TRIM62: variants seen among roughly 807,000 people sequenced by gnomAD.
The protein encoded by TRIM62 is tripartite motif containing 62, also known as E3 ubiquitin-protein ligase TRIM62.
In TRIM62, 39 loss-of-function variants were observed where a neutral mutation model predicts 44.2. That is an observed-to-expected ratio of 0.88 (90% CI 0.68 to 1.15). The LOEUF (loss-of-function observed/expected upper bound fraction) is 1.15. TRIM62 is among the 50% of genes most tolerant of loss of function. TRIM62 has a pLI of 0.00. For synonymous variants in TRIM62, 278 were observed against 292.3 expected, an observed-to-expected ratio of 0.95 and a Z score of 0.50; for missense variants, 544 against 665.5, an observed-to-expected ratio of 0.82 and a Z score of 2.01.
chr1:33,181,086 T>A lies in TRIM62; in HGVS notation c.347A>T (p.Glu116Val). 6.3e-7 allele frequency: 1 copy of A among 1,599,764 alleles called. No individual in the cohort carries two copies. ...DRALLCFFCD[E>V]PALHEQHQVT... ...CTGATGCTGCTCGTGCAGTGCAGGC[T>A]CGTCGCAGAAGAAGCAGAGAAGCGC... The change falls in exon 1 of 5, where the codon GAG (glutamate) becomes GTG (valine). Residue 116 changes from glutamate (E) to valine (V), a missense_variant. Glu to Val is a moderately radical substitution (Grantham distance 121). Transcript: ENST00000291416. The surrounding 1 kb of genome is among the most constrained non-coding windows in gnomAD (Gnocchi z 6.5).
At position 33,165,599 on chromosome 1, in the gene TRIM62, G is replaced by A. The variant is rs367939111; in HGVS notation, c.409-33C>T. The stretch of plus-strand genomic sequence containing the variant: ...ACACACAGGGCCGGGATGGGGGCAG[G>A]GGCCATGCCTGGCCCAGGCATTCAG... On this transcript the variant is annotated intron_variant, in intron 1 of 4. Coordinates refer to ENST00000291416, the MANE Select transcript of TRIM62 (RefSeq NM_018207.3). The surrounding 1 kb of genome is among the most constrained non-coding windows in gnomAD (Gnocchi z 4.0). 6 of 1,565,556 alleles carry A rather than the reference G, an allele frequency of 3.8e-6. No homozygotes were observed. Among genetic ancestry groups the A allele is most frequent in the South Asian group, 2.3e-5 (2 of 85,460 alleles).
At chr1:33,173,418 C>T (rs894209139) in intron 1 of TRIM62, among the ~76,000 whole-genome samples, 9 of 152,050 alleles carry the variant, frequency 5.9e-5, no homozygotes, top group East Asian at 1.9e-4. Flanking sequence ...AGCTTGTGTG[C>T]GCATGCATGT....
rs80217865 is a variant in TRIM62, at chr1:33,151,978, T to C, written c.878-4251A>G. 3.4e-3 allele frequency among the ~76,000 whole-genome samples: 511 copies of C among 152,350 alleles called. 13 individuals carry two copies. In the East Asian group the frequency reaches 0.056, roughly 17 times the overall value. On this transcript the variant is annotated intron_variant, in intron 4 of 4. Transcript: ENST00000291416. ...AACATGAAAGGCTGGCTGTAAGCGT[T>C]TTCCTCTGGCCAGGCCTTTAAAAAA...
intron 1 of TRIM62, among the ~76,000 whole-genome samples, chr1:33,179,601 G>T (rs1473045608): frequency 6.6e-6 from 1 of 152,170 alleles, no homozygotes; most frequent in Non-Finnish European, 1.5e-5. Flanking sequence ...CTTAGGCCAG[G>T]GTTGGTCATT....
Position 33,165,243 on chromosome 1 carries a change from A to C in TRIM62, c.504+228T>G, listed in dbSNP as rs573409558. 1 of 445,468 alleles carries C rather than the reference A, an allele frequency of 2.2e-6. No homozygotes were observed. Among genetic ancestry groups the C allele is most frequent in the Admixed American group, 4.1e-5 (1 of 24,368 alleles). 27.6% of individuals were successfully genotyped at this position (445,468 alleles called of 1,614,324 possible). A position where few individuals can be genotyped will look rare whatever the true frequency, so the allele number is the denominator to read the frequency against. On this transcript the variant is annotated intron_variant, in intron 2 of 4. Coordinates refer to ENST00000291416, the MANE Select transcript of TRIM62 (RefSeq NM_018207.3). This position sits in a 1 kb window ranked among gnomAD's most constrained non-coding sequence, Gnocchi z 4.0. Reference sequence around the variant, plus strand: ...TGGCCCCGTCCTTAACCGAGGGACCAGCCCACATCCTTGCCGCCAGTCATG... The same window carrying C: ...TGGCCCCGTCCTTAACCGAGGGACCCGCCCACATCCTTGCCGCCAGTCATG...
At chr1:33,160,080 C>T (rs1645243879) in intron 2 of TRIM62, 136 bp from the exon 3 acceptor site, 1 of 1,085,890 alleles carries the variant, frequency 9.2e-7, no homozygotes. Context: ...GGAAATGTCA[C>T]ATGCAAAAGC....
chr1:33,177,047 ACACG>A lies in TRIM62; in HGVS notation c.408+3974_408+3977del, dbSNP rs1557763403. ...CCAACACACATACACATGCACACACACACGCACACACACACACATGCACACACAC... is the reference window on the plus strand; with the variant it reads ...CCAACACACATACACATGCACACACACACACACACACACATGCACACACAC... On this transcript the variant is annotated intron_variant, in intron 1 of 4. Transcript: ENST00000291416. The surrounding 1 kb of genome is among the most constrained non-coding windows in gnomAD (Gnocchi z 4.1). 1.7e-4 allele frequency among the ~76,000 whole-genome samples: 10 copies of A among 58,382 alleles called. No individual in the cohort carries two copies. The highest frequency in any genetic ancestry group is 4.6e-4 in the East Asian group (1 of 2,178). The allele number at this position is 58,382 out of a possible 152,430, so 38.3% of individuals were successfully genotyped here.
chr1:33,147,750 A>G lies in TRIM62; in HGVS notation c.878-23T>C. The stretch of plus-strand genomic sequence containing the variant: ...GCACTGTGGGGGTTGGAGGAGGGAG[A>G]GAAGATGAGTGGGGAGAAGGCTGTG... On this transcript the variant is annotated intron_variant, in intron 4 of 4. Coordinates refer to ENST00000291416, the MANE Select transcript of TRIM62 (RefSeq NM_018207.3). This position sits in a 1 kb window ranked among gnomAD's most constrained non-coding sequence, Gnocchi z 8.1. 6.3e-7 allele frequency: 1 copy of G among 1,598,800 alleles called. No individual in the cohort carries two copies. Among genetic ancestry groups the G allele is most frequent in the East Asian group, 2.2e-5 (1 of 44,654 alleles).
In TRIM62 at chr1:33,147,450, G is replaced by A; in HGVS notation, c.1155C>T (p.Gly385=). ...KGSIQIQPSR[G]FYCIVMHDGN... is the part of the protein sequence containing the mutation. ...CATCGTGCATCACGATGCAGTAGAAGCCGCGGCTGGGCTGGATCTGGATGC... is the reference window on the plus strand; with the variant it reads ...CATCGTGCATCACGATGCAGTAGAAACCGCGGCTGGGCTGGATCTGGATGC... Residue 385 remains glycine, a synonymous_variant, in exon 5 of 5, where the codon GGC becomes GGT. Coordinates refer to ENST00000291416, the MANE Select transcript of TRIM62 (RefSeq NM_018207.3). The surrounding 1 kb of genome is among the most constrained non-coding windows in gnomAD (Gnocchi z 8.1). The A allele has an allele frequency of 6.2e-7, 1 of 1,614,036 alleles. No individual in the cohort carries two copies. Among genetic ancestry groups the A allele is most frequent in the Non-Finnish European group, 8.5e-7 (1 of 1,180,040 alleles).
At chr1:33,151,131 G>C (rs1348859648) in intron 4 of TRIM62, among the ~76,000 whole-genome samples, 2 of 152,076 alleles carry the variant, frequency 1.3e-5, no homozygotes, top group Admixed American at 6.5e-5. Flanking sequence ...CTAGGAGGGA[G>C]ACAAGGGGGC....
Position 33,159,722 on chromosome 1 carries a change from T to C in TRIM62, c.727A>G (p.Thr243Ala). Residue 243 changes from threonine to alanine, a missense_variant, in exon 3 of 5, where the codon ACC becomes GCC. Transcript: ENST00000291416. This position sits in a 1 kb window ranked among gnomAD's most constrained non-coding sequence, Gnocchi z 4.2. ...QERLAETDRHTFLAGVASLSE... is the reference protein window; with the variant it reads ...QERLAETDRHAFLAGVASLSE... ...AGTGAGGCCACCCCAGCCAGGAAGG[T>C]GTGCCGGTCGGTTTCAGCCAGCCGC... is the stretch of plus-strand genomic sequence containing the variant. 6.2e-7 allele frequency: 1 copy of C among 1,611,280 alleles called. No individual in the cohort carries two copies. The highest frequency in any genetic ancestry group is 8.5e-7 in the Non-Finnish European group (1 of 1,179,320).
intron 4 of TRIM62, among the ~76,000 whole-genome samples, chr1:33,149,017 C>T (rs1645058119): frequency 6.6e-6 from 1 of 152,210 alleles, no homozygotes; most frequent in Admixed American, 6.5e-5. Flanking sequence ...TTACACGGTT[C>T]CCTCCACCTC....
rs1000850562 is a variant in TRIM62, at chr1:33,161,979, A to G, written c.505-2035T>C. ...TGCTTTAAGGATGGTTCCCAAGTCC[A>G]TATAGATGGCCTTGCCTGTCTCCTG... On this transcript the variant is annotated intron_variant, in intron 2 of 4. Transcript: ENST00000291416. This position sits in a 1 kb window ranked among gnomAD's most constrained non-coding sequence, Gnocchi z 4.3. 3.9e-5 allele frequency among the ~76,000 whole-genome samples: 6 copies of G among 152,136 alleles called. No homozygotes were observed. The highest frequency in any genetic ancestry group is 1.4e-4 in the African/African-American group (6 of 41,430).
intron 1 of TRIM62, among the ~76,000 whole-genome samples, chr1:33,175,863 T>C (rs1645414900): frequency 6.6e-6 from 1 of 152,226 alleles, no homozygotes; most frequent in African/African-American, 2.4e-5. Flanking sequence ...TATAATTTTA[T>C]AGAGTCATTG....
Position 33,146,883 on chromosome 1 carries a change from T to C in TRIM62, c.*294A>G, listed in dbSNP as rs1341524260. 4 of 428,526 alleles carry C rather than the reference T, an allele frequency of 9.3e-6. No homozygotes were observed. Among genetic ancestry groups the C allele is most frequent in the African/African-American group, 2.0e-5 (1 of 50,010 alleles). 26.5% of individuals were successfully genotyped at this position (428,526 alleles called of 1,614,324 possible). On this transcript the variant is annotated 3_prime_UTR_variant, in exon 5 of 5. Transcript: ENST00000291416. ...ACACTGGAAGGTAGTCCCCTGCCCC[T>C]GAGAAGATGGGGATGAGGGTTGGGC...
rs1458344270 is a variant in TRIM62 at position 33,147,127 on chromosome 1, T to C, written c.*50A>G. On this transcript the variant is annotated 3_prime_UTR_variant, in exon 5 of 5. Transcript: ENST00000291416. The surrounding 1 kb of genome is among the most constrained non-coding windows in gnomAD (Gnocchi z 8.1). ...AGGTCTTCTATCTCCTGGGCAGGGC[T>C]CTTGCAGGTGGCAGTGGTCCCAGGA... is the stretch of plus-strand genomic sequence containing the variant. 1 of 1,583,366 alleles carries C rather than the reference T, an allele frequency of 6.3e-7. No homozygotes were observed. Among genetic ancestry groups the C allele is most frequent in the Non-Finnish European group, 8.6e-7 (1 of 1,162,450 alleles).
rs1276204455 is a variant in TRIM62 at position 33,145,833 on chromosome 1, C to T, written c.*1344G>A. 1 of 470,638 alleles carries T rather than the reference C, an allele frequency of 2.1e-6. No homozygotes were observed. The highest frequency in any genetic ancestry group is 4.4e-6 in the Non-Finnish European group (1 of 226,776). The allele number at this position is 470,638 out of a possible 1,614,324, so 29.2% of individuals were successfully genotyped here. On this transcript the variant is annotated 3_prime_UTR_variant, in exon 5 of 5. Coordinates refer to ENST00000291416, the MANE Select transcript of TRIM62 (RefSeq NM_018207.3). ...CTGTGGCAGAAAAACGCAGGTGGGG[C>T]TTGCTCCACCCACCCTAACTTCCTT...
chr1:33,176,528 C>T (rs1570337990), intron 1 of TRIM62: 1 of 649,070 alleles, frequency 1.5e-6, no homozygotes, highest in Non-Finnish European at 2.9e-6. Context: ...CGGATCCCCT[C>T]TCTGGGGGTT....
At chr1:33,153,983 T>C (rs1645137889) in intron 4 of TRIM62, among the ~76,000 whole-genome samples, 1 of 152,176 alleles carries the variant, frequency 6.6e-6, no homozygotes, top group South Asian at 2.1e-4. Context: ...CAGGTTGCCT[T>C]GAGAAATCCA....
Sources: gnomAD v4.1 joint callset for allele counts (sites outside exome capture counted in the v4.1 genomes callset) on GRCh38, gnomAD v4.1.1 for gene constraint, Gnocchi (gnomAD v3.1) non-coding constraint, MANE v1.5 for transcripts, NCBI Gene and HGNC (gene_info 2026-07-23, HGNC 2026-07-21) for gene names.